Variants in ITPR2 observed in about 807,000 individuals in gnomAD.
The protein encoded by ITPR2 is inositol 1,4,5-trisphosphate receptor type 2.
In ITPR2, 207 loss-of-function variants were observed where a neutral mutation model predicts 317.1. The observed-to-expected ratio is 0.65, with a 90% CI of 0.58 to 0.73. The LOEUF is 0.73. Ranked by LOEUF, ITPR2 falls within the 30% of genes least tolerant of loss-of-function variation. The probability of loss-of-function intolerance (pLI) is 0.00; values close to 1 mark genes in which losing one functional copy is unlikely to be tolerated. For missense variants in ITPR2, 2,613 were observed against 3,284.0 expected (o/e 0.80, Z 4.99); for synonymous variants, 1,156 against 1,149.1 (o/e 1.01, Z -0.12).
rs370673622 is a variant in ITPR2, at chr12:26,360,209, C to T, written c.7858-19881G>A. Among the ~76,000 whole-genome samples the T allele has an allele frequency of 1.5e-4, 23 of 152,262 alleles. No individual in the cohort carries two copies. In the South Asian group the frequency reaches 4.3e-3, roughly 29 times the overall value. On this transcript the variant is annotated intron_variant, in intron 55 of 56. Transcript: ENST00000381340. ...AGCAAGCTCTGAGGCTTTGTTCCAG[C>T]GTATCTGTAGCCCTTCCTTGTTTTA... is the stretch of plus-strand genomic sequence containing the variant.
intron 55 of ITPR2, among the ~76,000 whole-genome samples, chr12:26,347,179 C>T (rs189961069): frequency 1.3e-5 from 2 of 152,302 alleles, no homozygotes; most frequent in African/African-American, 4.8e-5. Flanking sequence ...CCTATTCTTA[C>T]TTAATTGTCC....
At chr12:26,441,174 G>C (rs1480791376) in intron 46 of ITPR2, among the ~76,000 whole-genome samples, 1 of 152,028 alleles carries the variant, frequency 6.6e-6, no homozygotes, top group Non-Finnish European at 1.5e-5. Context: ...CTAATTACTA[G>C]ACATTCAAAA....
chr12:26,661,278 G>C (rs1281588529), intron 15 of ITPR2, among the ~76,000 whole-genome samples: 1 of 106,924 alleles, frequency 9.4e-6, no homozygotes, highest in Non-Finnish European at 2.0e-5. Flanking sequence ...GTGTGTGTGG[G>C]GGGGGGGGGG....
intron 30 of ITPR2, among the ~76,000 whole-genome samples, chr12:26,598,735 C>A (rs1945915627): frequency 6.6e-6 from 1 of 152,148 alleles, no homozygotes; most frequent in African/African-American, 2.4e-5. Context: ...AAGCTTTCTG[C>A]AAATAGCAGC....
intron 45 of ITPR2, among the ~76,000 whole-genome samples, chr12:26,444,355 A>C (rs1941558517): frequency 6.6e-6 from 1 of 152,054 alleles, no homozygotes; most frequent in Admixed American, 6.6e-5. Context: ...GGTTGTCTCG[A>C]GCAATTCCTG....
intron 37 of ITPR2, among the ~76,000 whole-genome samples, 193 bp downstream of exon 37, chr12:26,550,054 T>C (rs950285571): frequency 6.6e-6 from 1 of 151,978 alleles, no homozygotes. Flanking sequence ...ACTCTAATTT[T>C]AGTTATTTCC....
At chr12:26,546,274 T>C (rs1292129843) in intron 37 of ITPR2, among the ~76,000 whole-genome samples, 1 of 152,194 alleles carries the variant, frequency 6.6e-6, no homozygotes, top group South Asian at 2.1e-4. Flanking sequence ...TACTCTGCTA[T>C]CAAACATTGA....
At chr12:26,759,440 A>G (rs1481360043) in intron 2 of ITPR2, among the ~76,000 whole-genome samples, 1 of 152,192 alleles carries the variant, frequency 6.6e-6, no homozygotes, top group Non-Finnish European at 1.5e-5. Flanking sequence ...GTAATTCGTA[A>G]CTGTTTGCCT....
At chr12:26,830,864 C>T (rs141509153) in intron 1 of ITPR2, among the ~76,000 whole-genome samples, 2 of 152,312 alleles carry the variant, frequency 1.3e-5, no homozygotes, top group Non-Finnish European at 1.5e-5. Context: ...TACCATGCTA[C>T]TCACTTTACA....
chr12:26,644,473 C>A (rs1375890524), intron 21 of ITPR2, among the ~76,000 whole-genome samples: 1 of 152,180 alleles, frequency 6.6e-6, no homozygotes, highest in African/African-American at 2.4e-5. Context: ...TAAAGACACA[C>A]CCGATACTCG....
intron 42 of ITPR2, 94 bp from the exon 43 acceptor site, chr12:26,481,335 T>G (rs369800219): frequency 1.4e-6 from 1 of 711,080 alleles, no homozygotes; most frequent in African/African-American, 1.8e-5. Flanking sequence ...ACCTTAATTT[T>G]TGACCTTTAA....
chr12:26,409,570 C>T (rs1274070315), intron 52 of ITPR2, among the ~76,000 whole-genome samples: 1 of 152,000 alleles, frequency 6.6e-6, no homozygotes, highest in African/African-American at 2.4e-5. Flanking sequence ...CTATCTTAGG[C>T]TTACATACAG....
intron 2 of ITPR2, among the ~76,000 whole-genome samples, chr12:26,776,893 G>A (rs539776217): frequency 6.6e-6 from 1 of 152,304 alleles, no homozygotes; most frequent in South Asian, 2.1e-4. Flanking sequence ...CCCCAGAGGT[G>A]AGGTTCACAG....
At chr12:26,493,908 G>A (rs935995443) in intron 39 of ITPR2, 4 of 362,806 alleles carry the variant, frequency 1.1e-5, no homozygotes, top group African/African-American at 8.6e-5. Context: ...ATTGCTCACT[G>A]TTGTGGAATT....
At chr12:26,648,214 T>C (rs1947158654) in intron 21 of ITPR2, among the ~76,000 whole-genome samples, 1 of 152,194 alleles carries the variant, frequency 6.6e-6, no homozygotes, top group South Asian at 2.1e-4. Context: ...TGCGTGCACA[T>C]CCTATTTAAG....
chr12:26,677,946 G>T (rs960499778), intron 13 of ITPR2, among the ~76,000 whole-genome samples: 1 of 152,110 alleles, frequency 6.6e-6, no homozygotes, highest in African/African-American at 2.4e-5. Flanking sequence ...TCCTATCATG[G>T]GGAATGAGAA....
At chr12:26,609,474 G>A (rs573007855) in intron 26 of ITPR2, among the ~76,000 whole-genome samples, 19 of 152,248 alleles carry the variant, frequency 1.2e-4, no homozygotes, top group Admixed American at 9.2e-4. Context: ...AGGCGTGGTG[G>A]TGCACACATA....
In ITPR2 at chr12:26,436,803, T is replaced by A. The variant is rs148772518; in HGVS notation, c.6644-457A>T. On this transcript the variant is annotated intron_variant, in intron 47 of 56. Transcript: ENST00000381340. ...ACCCATAGCACAGATATATTTCTAA[T>A]GAAAATTCCTATGACAGTCACAGTT... is the stretch of plus-strand genomic sequence containing the variant. Among the ~76,000 whole-genome samples the A allele has an allele frequency of 2.0e-5, 3 of 152,322 alleles. No homozygotes were observed. The East Asian group carries it at 5.8e-4, about 29-fold the overall frequency.
chr12:26,745,513 G>A (rs186998336), intron 2 of ITPR2, among the ~76,000 whole-genome samples: 23 of 152,328 alleles, frequency 1.5e-4, no homozygotes, highest in Admixed American at 4.6e-4. Flanking sequence ...CAAGACAGCT[G>A]ACTTTCATTG....
Sources: allele counts gnomAD v4.1 joint callset (sites outside exome capture counted in the v4.1 genomes callset), GRCh38; gene constraint gnomAD v4.1.1; transcripts MANE v1.5; gene names NCBI Gene and HGNC (gene_info 2026-07-23, HGNC 2026-07-21).